Variants in SYT1 observed in about 807,000 individuals in gnomAD.
SYT1 encodes synaptotagmin-1.
SYT1 carries 8 observed loss-of-function variants against 44.8 expected under a neutral mutation model. The ratio of observed to expected loss-of-function variants is 0.18; its 90% CI spans 0.10 to 0.32. The LOEUF (loss-of-function observed/expected upper bound fraction) is 0.32. Ranked by LOEUF, SYT1 falls within the 10% of genes least tolerant of loss-of-function variation. The pLI, the probability that SYT1 is intolerant of heterozygous loss-of-function variation, is 1.00. For synonymous variants in SYT1, 154 were observed against 188.8 expected (o/e 0.82, Z 1.51); for missense variants, 286 against 509.3 (o/e 0.56, Z 4.22).
intron 9 of SYT1, among the ~76,000 whole-genome samples, chr12:79,402,046 T>C (rs1885089008): frequency 6.6e-6 from 1 of 152,278 alleles, no homozygotes; most frequent in South Asian, 2.1e-4. Flanking sequence ...TTACTGATTG[T>C]GTAAGCCAGC....
At chr12:79,140,563 A>T (rs1430086721) in intron 3 of SYT1, among the ~76,000 whole-genome samples, 1 of 152,196 alleles carries the variant, frequency 6.6e-6, no homozygotes, top group Non-Finnish European at 1.5e-5. Context: ...CTGACTATAA[A>T]AGACCGTGTG....
At chr12:79,041,609 C>G (rs1873580607) in intron 2 of SYT1, among the ~76,000 whole-genome samples, 1 of 152,018 alleles carries the variant, frequency 6.6e-6, no homozygotes, top group East Asian at 1.9e-4. Context: ...AATTGAATAC[C>G]CTTTATTTCC....
At chr12:79,066,037 T>C (rs547302700) in intron 3 of SYT1, among the ~76,000 whole-genome samples, 35 of 152,044 alleles carry the variant, frequency 2.3e-4, no homozygotes, top group African/African-American at 8.4e-4. Flanking sequence ...CACACACATA[T>C]ATACCCACAT....
chr12:79,384,582 T>G (rs1488948781), intron 9 of SYT1, among the ~76,000 whole-genome samples: 1 of 152,202 alleles, frequency 6.6e-6, no homozygotes, highest in East Asian at 1.9e-4. Context: ...TCCATTGCTA[T>G]GTATGTTATA....
intron 2 of SYT1, among the ~76,000 whole-genome samples, chr12:79,022,444 A>G (rs1332962154): frequency 6.6e-6 from 1 of 151,816 alleles, no homozygotes; most frequent in Non-Finnish European, 1.5e-5. Flanking sequence ...ACCATTTAAA[A>G]TCTCATTCTC....
At chr12:78,998,428 A>T (rs531439406) in intron 2 of SYT1, among the ~76,000 whole-genome samples, 1 of 152,230 alleles carries the variant, frequency 6.6e-6, no homozygotes, top group African/African-American at 2.4e-5. Flanking sequence ...TTGTTCAGGG[A>T]TCTGGATTAT....
chr12:79,426,876 G>T (rs185300969), intron 9 of SYT1, among the ~76,000 whole-genome samples: 1,530 of 152,262 alleles, frequency 0.01, 10 homozygotes, highest in Non-Finnish European at 0.016. Context: ...ATCATTGGGG[G>T]AGTTTCCCCC....
intron 2 of SYT1, among the ~76,000 whole-genome samples, chr12:79,014,122 C>CAAAAAAAAAAAAAAAAAAAAAAAA (rs1358787041): frequency 5.0e-5 from 2 of 39,734 alleles, no homozygotes; most frequent in Non-Finnish European, 1.1e-4. Flanking sequence ...AGACTCTCTC[C>CAAAAAAAAAAAAAAAAAAAAAAAA]AAAAAAAAAA....
At chr12:79,100,416 CT>C (rs1336579213) in intron 3 of SYT1, among the ~76,000 whole-genome samples, 4 of 151,764 alleles carry the variant, frequency 2.6e-5, no homozygotes, top group Non-Finnish European at 5.9e-5. Flanking sequence ...ATAGGAAATG[CT>C]TTTAACACAT....
At chr12:79,004,897 G>A (rs934165382) in intron 2 of SYT1, among the ~76,000 whole-genome samples, 4 of 151,914 alleles carry the variant, frequency 2.6e-5, no homozygotes, top group Non-Finnish European at 4.4e-5. Flanking sequence ...ATATTGGTTT[G>A]GTGAATAATA....
rs145921192 is a variant in SYT1 at position 78,914,708 on chromosome 12, A to C, written c.-217+49599A>C. Among the ~76,000 whole-genome samples, 606 of 152,132 alleles carry C rather than the reference A, an allele frequency of 4.0e-3. 9 individuals carry two copies. The highest frequency in any genetic ancestry group is 0.013 in the African/African-American group (539 of 41,548). ...TACCTTTTGATGTTTGCCTAAAGAT[A>C]TATTCAGCTTAAGTGCTATATTAGG... On this transcript the variant is annotated intron_variant, in intron 1 of 10. Transcript: ENST00000261205.
At chr12:79,078,061 G>A (rs11837245) in intron 3 of SYT1, among the ~76,000 whole-genome samples, 4,512 of 152,078 alleles carry the variant, frequency 0.03, 125 homozygotes, top group Middle Eastern at 0.092. Flanking sequence ...TGTTTTTTAT[G>A]AAATGGTTTT....
chr12:79,444,667 T>A (rs1417707875), intron 10 of SYT1, among the ~76,000 whole-genome samples: 3 of 152,038 alleles, frequency 2.0e-5, no homozygotes, highest in Non-Finnish European at 4.4e-5. Flanking sequence ...AATAGAAAAA[T>A]TAGGCTAAGT....
intron 3 of SYT1, among the ~76,000 whole-genome samples, chr12:79,098,101 G>A (rs561023103): frequency 8.6e-5 from 13 of 152,022 alleles, no homozygotes; most frequent in Non-Finnish European, 1.6e-4. Flanking sequence ...CAAAACCATA[G>A]AAGTTTCACA....
chr12:78,931,226 A>AG lies in SYT1; in HGVS notation c.-216-46572dup, dbSNP rs1565723349. Among the ~76,000 whole-genome samples, 26 of 59,880 alleles carry AG rather than the reference A, an allele frequency of 4.3e-4. 1 individual carries two copies. Among genetic ancestry groups the AG allele is most frequent in the African/African-American group, 2.0e-3 (21 of 10,524 alleles). The allele number at this position is 59,880 out of a possible 152,430, so 39.3% of individuals were successfully genotyped here. A position where few individuals can be genotyped will look rare whatever the true frequency, so the allele number is the denominator to read the frequency against. ...AAGAAAGAAAGAAAGAAAGAAAGAA[A>AG]GAAAGAAAGAAAGAAGGAAGGAAGG... On this transcript the variant is annotated intron_variant, in intron 1 of 10. Transcript: ENST00000261205.
At chr12:78,871,862 G>A (rs562649766) in intron 1 of SYT1, among the ~76,000 whole-genome samples, 1 of 151,668 alleles carries the variant, frequency 6.6e-6, no homozygotes, top group Admixed American at 6.6e-5. Context: ...CTAGAGCACC[G>A]AGACCTCTTC....
intron 1 of SYT1, among the ~76,000 whole-genome samples, chr12:78,904,289 TAA>T (rs1875832231): frequency 6.6e-6 from 1 of 152,116 alleles, no homozygotes. Flanking sequence ...ACTTCTATAT[TAA>T]GTTACATGTG....
intron 1 of SYT1, among the ~76,000 whole-genome samples, chr12:78,902,194 A>ATG (rs1012984647): frequency 7.8e-6 from 1 of 127,824 alleles, no homozygotes; most frequent in African/African-American, 3.6e-5. Flanking sequence ...AATAATAAAT[A>ATG]TGTATATATA....
chr12:79,383,012 G>A (rs905149876), intron 9 of SYT1, among the ~76,000 whole-genome samples: 1 of 151,360 alleles, frequency 6.6e-6, no homozygotes, highest in Non-Finnish European at 1.5e-5. Flanking sequence ...ACACCTAAAC[G>A]TAACTGTTGA....
Sources: gnomAD v4.1 joint callset for allele counts (sites outside exome capture counted in the v4.1 genomes callset) on GRCh38, gnomAD v4.1.1 for gene constraint, MANE v1.5 for transcripts, NCBI Gene and HGNC (gene_info 2026-07-23, HGNC 2026-07-21) for gene names.